Variants in TMTC2 observed in about 807,000 individuals in gnomAD.
TMTC2 encodes the protein transmembrane O-mannosyltransferase targeting cadherins 2.
Under a neutral mutation model 82.4 loss-of-function variants are expected in TMTC2, and 43 were observed. That is an observed-to-expected ratio of 0.52 (90% confidence interval 0.41 to 0.67). The LOEUF (loss-of-function observed/expected upper bound fraction) is 0.67. Ranked by LOEUF, TMTC2 falls within the 30% of genes least tolerant of loss-of-function variation. The pLI is 0.00. For missense variants in TMTC2, 919 were observed against 1,012.4 expected, an observed-to-expected ratio of 0.91 and a Z score of 1.25; for synonymous variants, 408 against 381.9, an observed-to-expected ratio of 1.07 and a Z score of -0.80.
chr12:83,105,007 C>T (rs761253689), intron 11 of TMTC2, among the ~76,000 whole-genome samples: 1 of 152,076 alleles, frequency 6.6e-6, no homozygotes, highest in Non-Finnish European at 1.5e-5. Flanking sequence ...TGCCAGATAC[C>T]CTAGGTCATC....
At chr12:82,922,564 C>G (rs1875458622) in intron 3 of TMTC2, among the ~76,000 whole-genome samples, 1 of 151,488 alleles carries the variant, frequency 6.6e-6, no homozygotes. Flanking sequence ...TGTAAGCTTC[C>G]TCTATTTTAT....
intron 11 of TMTC2, among the ~76,000 whole-genome samples, chr12:83,122,689 G>A (rs575564108): frequency 6.6e-6 from 1 of 152,304 alleles, no homozygotes; most frequent in African/African-American, 2.4e-5. Context: ...CCCGTGTCCT[G>A]CGGGAGCATT....
chr12:82,881,604 T>C (rs1872826907), intron 2 of TMTC2, among the ~76,000 whole-genome samples: 1 of 152,210 alleles, frequency 6.6e-6, no homozygotes, highest in Admixed American at 6.5e-5. Context: ...AATATTTTCC[T>C]TTGTTCCCAA....
At chr12:82,798,034 TTCACACCATTCTCCTGCC>T (rs1294151264) in intron 1 of TMTC2, among the ~76,000 whole-genome samples, 4 of 147,992 alleles carry the variant, frequency 2.7e-5, no homozygotes, top group African/African-American at 7.5e-5. Context: ...GCCTCCCAGG[TTCACACCATTCTCCTGCC>T]TCACACCATT....
At chr12:82,992,023 C>G (rs1879422988) in intron 8 of TMTC2, among the ~76,000 whole-genome samples, 1 of 152,160 alleles carries the variant, frequency 6.6e-6, no homozygotes, top group Admixed American at 6.5e-5. Context: ...ATTGGAGACT[C>G]TGACAGTAAT....
intron 1 of TMTC2, among the ~76,000 whole-genome samples, chr12:82,735,652 T>C (rs1592887422): frequency 7.0e-6 from 1 of 143,842 alleles, no homozygotes; most frequent in African/African-American, 2.5e-5. Context: ...GCCCCCCTAA[T>C]TTTGATTTTT....
chr12:82,759,294 C>T (rs549382840), intron 1 of TMTC2: 1 of 152,118 alleles, frequency 6.6e-6, no homozygotes, highest in Non-Finnish European at 1.5e-5. Context: ...TGCCCAATAC[C>T]TGCACATGCT....
At chr12:82,851,679 G>A (rs965464391) in intron 1 of TMTC2, among the ~76,000 whole-genome samples, 1 of 152,094 alleles carries the variant, frequency 6.6e-6, no homozygotes, top group Non-Finnish European at 1.5e-5. Flanking sequence ...GGTTAACAAA[G>A]GCCAGTCTTT....
At chr12:82,837,811 T>A (rs891378298) in intron 1 of TMTC2, among the ~76,000 whole-genome samples, 3 of 152,204 alleles carry the variant, frequency 2.0e-5, no homozygotes, top group African/African-American at 7.2e-5. Context: ...TCTTTTAGGA[T>A]TATCTATTTT....
chr12:82,759,315 C>T (rs1876491776), intron 1 of TMTC2: 2 of 152,152 alleles, frequency 1.3e-5, no homozygotes. Context: ...TTTGTTAATA[C>T]TTCATTACAT....
At chr12:82,946,702 A>G (rs1565822369) in intron 4 of TMTC2, among the ~76,000 whole-genome samples, 2 of 151,180 alleles carry the variant, frequency 1.3e-5, no homozygotes, top group East Asian at 1.9e-4. Context: ...TAGAAACCAC[A>G]TGTCATCATC....
At position 82,687,616 on chromosome 12, in the gene TMTC2, G is replaced by T; in HGVS notation, c.30G>T (p.Leu10=). The T allele has an allele frequency of 6.2e-7, 1 of 1,603,122 alleles. No individual in the cohort carries two copies. Among genetic ancestry groups the T allele is most frequent in the South Asian group, 1.1e-5 (1 of 88,148 alleles). Reference sequence around the variant, plus strand: ...TTGCAGAGTTGGTGAGCAGCGCTCTGGGGCTCGCCTTGTATCTCAACACCC... The same window carrying T: ...TTGCAGAGTTGGTGAGCAGCGCTCTTGGGCTCGCCTTGTATCTCAACACCC... The part of the protein sequence containing the change: MIAELVSSA[L]GLALYLNTLS... Residue 10 remains leucine, a synonymous_variant, in exon 1 of 12, where the codon CTG becomes CTT. Transcript: ENST00000321196.
At chr12:82,765,714 C>CAA (rs199754664) in intron 1 of TMTC2, among the ~76,000 whole-genome samples, 2 of 137,780 alleles carry the variant, frequency 1.5e-5, no homozygotes, top group African/African-American at 6.6e-5. Context: ...AACAAACAAA[C>CAA]AAAAAAAAAC....
intron 3 of TMTC2, among the ~76,000 whole-genome samples, chr12:82,905,978 G>C (rs556652896): frequency 2.6e-5 from 4 of 151,676 alleles, no homozygotes; most frequent in Non-Finnish European, 5.9e-5. Flanking sequence ...GAAAAAGAGA[G>C]AGTCAAAATT....
At chr12:83,046,234 C>T (rs181618925) in intron 9 of TMTC2, among the ~76,000 whole-genome samples, 34 of 152,294 alleles carry the variant, frequency 2.2e-4, no homozygotes, top group Admixed American at 2.1e-3. Context: ...GCTCAGCCTG[C>T]TAGCTAATCC....
rs1871295723 is a variant in TMTC2 at position 82,857,112 on chromosome 12, C to G, written c.186C>G (p.His62Gln). ...WGTLLTHSGS[H>Q]KSYRPLCTLS... ...CTCTTCTAACCCACAGTGGCAGCCA[C>G]AAGTCCTACCGGCCACTCTGCACTC... The change falls in exon 2 of 12, where the codon CAC (histidine) becomes CAG (glutamine). Residue 62 changes from histidine (H) to glutamine (Q), a missense_variant. Coordinates refer to ENST00000321196, the MANE Select transcript of TMTC2 (RefSeq NM_152588.3). 3 of 1,614,020 alleles carry G rather than the reference C, an allele frequency of 1.9e-6. No homozygotes were observed. The highest frequency in any genetic ancestry group is 2.2e-5 in the East Asian group (1 of 44,892).
chr12:82,961,568 C>G (rs960700404), intron 4 of TMTC2, among the ~76,000 whole-genome samples: 1 of 152,026 alleles, frequency 6.6e-6, no homozygotes, highest in Non-Finnish European at 1.5e-5. Flanking sequence ...GGCTTTGCCT[C>G]TTATTAATCA....
chr12:82,782,363 T>C (rs1408650246), intron 1 of TMTC2, among the ~76,000 whole-genome samples: 1 of 152,172 alleles, frequency 6.6e-6, no homozygotes, highest in Admixed American at 6.5e-5. Flanking sequence ...ATGTATGATA[T>C]GTATCGGATG....
chr12:82,748,310 A>C (rs1252028167), intron 1 of TMTC2, among the ~76,000 whole-genome samples: 1 of 152,076 alleles, frequency 6.6e-6, no homozygotes, highest in Non-Finnish European at 1.5e-5. Context: ...GACTGTCTCA[A>C]AGAAAAAAAA....
Sources: allele counts gnomAD v4.1 joint callset (sites outside exome capture counted in the v4.1 genomes callset), GRCh38; gene constraint gnomAD v4.1.1; transcripts MANE v1.5; gene names NCBI Gene and HGNC (gene_info 2026-07-23, HGNC 2026-07-21).